Variants in ANTXR2 observed in about 807,000 individuals in gnomAD.
The protein encoded by ANTXR2 is ANTXR cell adhesion molecule 2.
Under a neutral mutation model 73.7 loss-of-function variants are expected in ANTXR2, and 44 were observed. That is an observed-to-expected ratio of 0.60 (90% confidence interval 0.47 to 0.77). ANTXR2 has a LOEUF of 0.77. ANTXR2 is among the 30% of genes least tolerant of loss of function. The probability of loss-of-function intolerance (pLI) is 0.00; values close to 1 mark genes in which losing one functional copy is unlikely to be tolerated. For synonymous variants in ANTXR2, 217 were observed against 205.9 expected (o/e 1.05, Z -0.46); for missense variants, 604 against 592.5 (o/e 1.02, Z -0.20).
intron 14 of ANTXR2, among the ~76,000 whole-genome samples, chr4:79,983,006 A>C (rs1729956237): frequency 6.6e-6 from 1 of 152,178 alleles, no homozygotes; most frequent in African/African-American, 2.4e-5. Flanking sequence ...GGGGTTGTTC[A>C]TTAGGTTATC....
At chr4:79,908,856 G>C (rs1425895269) in intron 16 of ANTXR2, among the ~76,000 whole-genome samples, 1 of 152,162 alleles carries the variant, frequency 6.6e-6, no homozygotes, top group Non-Finnish European at 1.5e-5. Context: ...ATTAAGTGAA[G>C]AGGTGCTCTT....
chr4:80,036,526 C>G (rs1732971853), intron 7 of ANTXR2, among the ~76,000 whole-genome samples: 1 of 152,068 alleles, frequency 6.6e-6, no homozygotes, highest in Non-Finnish European at 1.5e-5. Flanking sequence ...TCTGACTGTG[C>G]ACAGTGGCTC....
intron 16 of ANTXR2, among the ~76,000 whole-genome samples, chr4:79,973,469 G>A (rs541242883): frequency 2.0e-5 from 3 of 147,972 alleles, no homozygotes; most frequent in East Asian, 1.9e-4. Context: ...GCAGTGGTGC[G>A]ATCTCAGCTC....
At chr4:80,015,977 G>T (rs1196033791) in intron 11 of ANTXR2, among the ~76,000 whole-genome samples, 1 of 142,868 alleles carries the variant, frequency 7.0e-6, no homozygotes, top group Non-Finnish European at 1.5e-5. Context: ...GGAAAGGAAA[G>T]GAAAGGAAAG....
chr4:80,066,261 A>AT (rs1282987719), intron 3 of ANTXR2, among the ~76,000 whole-genome samples: 1 of 152,216 alleles, frequency 6.6e-6, no homozygotes, highest in African/African-American at 2.4e-5. Flanking sequence ...AATATGGAAG[A>AT]TTTTATGTCC....
intron 6 of ANTXR2, among the ~76,000 whole-genome samples, chr4:80,054,915 C>T (rs1014585193): frequency 6.6e-6 from 1 of 151,234 alleles, no homozygotes; most frequent in African/African-American, 2.4e-5. Flanking sequence ...AAATGTTTAC[C>T]TTATATTAGT....
In ANTXR2 at chr4:79,907,354, T is replaced by C; in HGVS notation, c.*75A>G. ...CAAAAGCTTCTGAAATGCACTTGAT[T>C]TTTTTCATTTGGTTGAAAATCAGCT... is the stretch of plus-strand genomic sequence containing the variant. On this transcript the variant is annotated 3_prime_UTR_variant, in exon 17 of 17. Coordinates refer to ENST00000403729, the MANE Select transcript of ANTXR2 (RefSeq NM_058172.6). The C allele has an allele frequency of 1.3e-6, 2 of 1,507,038 alleles. No homozygotes were observed. The highest frequency in any genetic ancestry group is 1.7e-4 in the Middle Eastern group (1 of 5,842). 93.4% of individuals were successfully genotyped at this position (1,507,038 alleles called of 1,614,324 possible).
At chr4:80,000,029 CA>C (rs1161185665) in intron 12 of ANTXR2, among the ~76,000 whole-genome samples, 3 of 151,908 alleles carry the variant, frequency 2.0e-5, no homozygotes, top group African/African-American at 7.2e-5. Context: ...AAATCAATGA[CA>C]AAAACGATAA....
At chr4:80,006,237 T>G (rs1369207798) in intron 12 of ANTXR2, among the ~76,000 whole-genome samples, 1 of 152,078 alleles carries the variant, frequency 6.6e-6, no homozygotes, top group African/African-American at 2.4e-5. Context: ...TTTCTATGTT[T>G]CCATATTAAA....
chr4:79,980,438 C>T (rs1404688225), intron 14 of ANTXR2, among the ~76,000 whole-genome samples: 2 of 152,150 alleles, frequency 1.3e-5, no homozygotes, highest in Non-Finnish European at 2.9e-5. Flanking sequence ...CAACAATAGA[C>T]TGCTAAAGGA....
At chr4:79,925,348 G>A (rs1353820631) in intron 16 of ANTXR2, among the ~76,000 whole-genome samples, 2 of 150,172 alleles carry the variant, frequency 1.3e-5, no homozygotes, top group Non-Finnish European at 3.0e-5. Flanking sequence ...AATTTATGCA[G>A]GTTTCTTGGG....
At chr4:79,943,783 ATTGT>A (rs1728410059) in intron 16 of ANTXR2, among the ~76,000 whole-genome samples, 1 of 151,930 alleles carries the variant, frequency 6.6e-6, no homozygotes, top group Non-Finnish European at 1.5e-5. Context: ...ATACTAAATA[ATTGT>A]TTTTAAGCAA....
intron 7 of ANTXR2, among the ~76,000 whole-genome samples, chr4:80,048,278 A>C (rs1332765994): frequency 6.6e-6 from 1 of 150,882 alleles, no homozygotes; most frequent in African/African-American, 2.4e-5. Context: ...AAAAAAAAAA[A>C]AAAACAAAAA....
intron 7 of ANTXR2, among the ~76,000 whole-genome samples, chr4:80,052,099 T>C (rs1733796624): frequency 6.6e-6 from 1 of 151,678 alleles, no homozygotes; most frequent in Non-Finnish European, 1.5e-5. Context: ...TAGTGCCACA[T>C]ATCTGAAAGA....
At chr4:80,001,988 G>C (rs954381563) in intron 12 of ANTXR2, among the ~76,000 whole-genome samples, 3 of 151,964 alleles carry the variant, frequency 2.0e-5, no homozygotes, top group African/African-American at 7.3e-5. Flanking sequence ...TACTGCCCAA[G>C]GTAATTTATA....
intron 7 of ANTXR2, among the ~76,000 whole-genome samples, chr4:80,039,279 T>C (rs1578177163): frequency 1.3e-5 from 2 of 152,140 alleles, no homozygotes. Flanking sequence ...TAAAATTTGT[T>C]CTAAATTTGT....
intron 16 of ANTXR2, among the ~76,000 whole-genome samples, chr4:79,930,955 T>A (rs1728031457): frequency 6.6e-6 from 1 of 152,198 alleles, no homozygotes; most frequent in South Asian, 2.1e-4. Flanking sequence ...TTTAAAATAA[T>A]ATAATCCCAG....
chr4:80,017,138 C>T (rs879416013), intron 11 of ANTXR2, among the ~76,000 whole-genome samples: 1 of 152,218 alleles, frequency 6.6e-6, no homozygotes, highest in Admixed American at 6.5e-5. Context: ...ATACACCCTA[C>T]AGGATCTGCC....
chr4:79,962,703 A>T (rs1729190912), intron 16 of ANTXR2, among the ~76,000 whole-genome samples: 1 of 152,212 alleles, frequency 6.6e-6, no homozygotes, highest in Non-Finnish European at 1.5e-5. Flanking sequence ...GGACTGACTC[A>T]ATTAGGCTAC....
Sources: allele counts gnomAD v4.1 joint callset (sites outside exome capture counted in the v4.1 genomes callset), GRCh38; gene constraint gnomAD v4.1.1; transcripts MANE v1.5; gene names NCBI Gene and HGNC (gene_info 2026-07-23, HGNC 2026-07-21).